The following LUC7L variants were observed in gnomAD, a reference collection of about 807,000 sequenced individuals.
LUC7L encodes the protein LUC7 like.
In LUC7L, 29 loss-of-function variants were observed where a neutral mutation model predicts 51.1. The ratio of observed to expected loss-of-function variants is 0.57; its 90% confidence interval spans 0.42 to 0.77. The LOEUF is 0.77. Among genes scored for constraint, LUC7L ranks in the 30% least tolerant of loss-of-function variants. LUC7L has a pLI of 0.00. For missense variants in LUC7L, 403 were observed against 511.9 expected, an observed-to-expected ratio of 0.79 and a Z score of 2.05; for synonymous variants, 181 against 180.7, an observed-to-expected ratio of 1.00 and a Z score of -0.01.
intron 3 of LUC7L, among the ~76,000 whole-genome samples, chr16:213,881 A>G (rs2049713785): frequency 6.6e-6 from 1 of 151,410 alleles, no homozygotes; most frequent in Non-Finnish European, 1.5e-5. Flanking sequence ...CACCTGGCTA[A>G]TATTTTCTAT....
In LUC7L at chr16:220,455, T is replaced by C. The variant is rs144052915; in HGVS notation, c.255+194A>G. 7.9e-4 allele frequency: 418 copies of C among 527,924 alleles called. 1 individual carries two copies. Among genetic ancestry groups the C allele is most frequent in the African/African-American group, 6.0e-3 (311 of 52,142 alleles). 32.7% of individuals were successfully genotyped at this position (527,924 alleles called of 1,614,324 possible). A position where few individuals can be genotyped will look rare whatever the true frequency, so the allele number is the denominator to read the frequency against. Reference sequence around the variant, plus strand: ...CAAAATGAGATAACACATATTATCATTTAGGACACTGACAGGACGCTGGAC... The same window carrying C: ...CAAAATGAGATAACACATATTATCACTTAGGACACTGACAGGACGCTGGAC... On this transcript the variant is annotated intron_variant, in intron 3 of 9. Transcript: ENST00000293872.
chr16:228,017 G>T, intron 1 of LUC7L: 1 of 1,119,874 alleles, frequency 8.9e-7, no homozygotes, highest in Non-Finnish European at 1.1e-6. Context: ...CTCAGCTGCA[G>T]AATTTTATGC....
intron 2 of LUC7L, among the ~76,000 whole-genome samples, chr16:225,921 C>T (rs117345827): frequency 0.014 from 2,134 of 152,280 alleles, 31 homozygotes; most frequent in Non-Finnish European, 0.021. Flanking sequence ...GAAATCTTCC[C>T]GAGAGTGCAC....
chr16:193,228 A>T (rs1400267755), intron 6 of LUC7L, among the ~76,000 whole-genome samples: 1 of 151,840 alleles, frequency 6.6e-6, no homozygotes, highest in Non-Finnish European at 1.5e-5. Context: ...GGCTCACTGC[A>T]ACTTCCACCT....
At position 205,879 on chromosome 16, in the gene LUC7L, G is replaced by A; in HGVS notation, c.510+125C>T. 2.6e-6 allele frequency: 3 copies of A among 1,160,528 alleles called. No homozygotes were observed. The South Asian group carries it at 4.6e-5, about 18-fold the overall frequency. 71.9% of individuals were successfully genotyped at this position (1,160,528 alleles called of 1,614,324 possible). ...GCTGGGATGACAGGCGTGAGCCACTGTGCTGGGCCCAAAATGTATAAATTT... is the reference window on the plus strand; with the variant it reads ...GCTGGGATGACAGGCGTGAGCCACTATGCTGGGCCCAAAATGTATAAATTT... On this transcript the variant is annotated intron_variant, in intron 5 of 9. Transcript: ENST00000293872.
chr16:206,722 T>A (rs138048746), intron 4 of LUC7L, among the ~76,000 whole-genome samples: 272 of 152,086 alleles, frequency 1.8e-3, no homozygotes, highest in Middle Eastern at 3.4e-3. Context: ...ACCATTTCCT[T>A]ACCAATTCTT....
In LUC7L at chr16:208,101, T is replaced by C. The variant is rs1191887412; in HGVS notation, c.343A>G (p.Ile115Val). The C allele has an allele frequency of 1.2e-6, 2 of 1,613,490 alleles. No individual in the cohort carries two copies. Among genetic ancestry groups the C allele is most frequent in the South Asian group, 1.1e-5 (1 of 90,992 alleles). Residue 115 changes from isoleucine (I) to valine (V), a missense_variant, in exon 4 of 10, where the codon ATC (isoleucine) becomes GTC (valine). Physicochemically the swap from Ile to Val is conservative, Grantham distance 29. Around this residue, in one of 3 missense-constraint regions of LUC7L, gnomAD observed 182 missense variants for 248.4 expected, o/e 0.73. Transcript: ENST00000293872. Reference protein sequence around the residue: ...KKRLAETQEEISAEVSAKAEK... With the variant: ...KKRLAETQEEVSAEVSAKAEK... ...ACCTTTGCAGAAACTTCCGCACTGA[T>C]TTCCTCCTGTGTTTCTGCCAGCCGC...
chr16:220,925 C>T (rs577005330), intron 2 of LUC7L, among the ~76,000 whole-genome samples, 178 bp from the exon 3 acceptor site: 9 of 152,200 alleles, frequency 5.9e-5, no homozygotes, highest in Non-Finnish European at 4.4e-5. Context: ...CTTTTACCAT[C>T]GTGACTACGT....
At chr16:226,490 A>C (rs977977987) in intron 2 of LUC7L, among the ~76,000 whole-genome samples, 1 of 152,220 alleles carries the variant, frequency 6.6e-6, no homozygotes, top group African/African-American at 2.4e-5. Context: ...GTTCATCTGA[A>C]GTGAACTTAA....
At chr16:226,162 G>A (rs7196474) in intron 2 of LUC7L, among the ~76,000 whole-genome samples, 8,269 of 152,244 alleles carry the variant, frequency 0.054, 264 homozygotes, top group Non-Finnish European at 0.068. Flanking sequence ...CATTCATTTC[G>A]CATTTGCTGT....
chr16:212,783 T>C (rs1289248035), intron 3 of LUC7L, among the ~76,000 whole-genome samples: 2 of 145,484 alleles, frequency 1.4e-5, no homozygotes, highest in Non-Finnish European at 3.0e-5. Context: ...GAAATATACC[T>C]TTTTTTTTTT....
At position 218,292 on chromosome 16, in the gene LUC7L, C is replaced by T. The variant is rs138966161; in HGVS notation, c.255+2357G>A. Among the ~76,000 whole-genome samples, 277 of 152,296 alleles carry T rather than the reference C, an allele frequency of 1.8e-3. 2 individuals are homozygous for T. The highest frequency in any genetic ancestry group is 3.0e-3 in the Non-Finnish European group (202 of 68,022). ...TGGGTTTTATATTTTTCACTGGCTC[C>T]CTCATCCCATGCTCAGTGCCTTCCC... On this transcript the variant is annotated intron_variant, in intron 3 of 9. Coordinates refer to ENST00000293872, the MANE Select transcript of LUC7L (RefSeq NM_201412.3).
chr16:214,703 T>C (rs2049738397), intron 3 of LUC7L, among the ~76,000 whole-genome samples: 1 of 152,102 alleles, frequency 6.6e-6, no homozygotes, highest in Admixed American at 6.6e-5. Context: ...ATTTTTTTGG[T>C]ATTTTGTGTA....
At chr16:193,746 G>A (rs1030285295) in intron 6 of LUC7L, among the ~76,000 whole-genome samples, 2 of 151,766 alleles carry the variant, frequency 1.3e-5, no homozygotes, top group East Asian at 3.9e-4. Flanking sequence ...GCCTGCCTCG[G>A]CCTCCCAAAG....
chr16:199,188 C>T lies in LUC7L; in HGVS notation c.561G>A (p.Leu187=), dbSNP rs781180965. ...AGGCTGAACAGACCTCGCAGACACG[C>T]AGCTTTTGCTGCTGAAAACTGGATG... The part of the protein sequence containing the change: ...MPASSFQQQK[L]RVCEVCSAYL... The change falls in exon 6 of 10, where the codon CTG becomes CTA. Residue 187 remains leucine, a synonymous_variant. Transcript: ENST00000293872. 2.5e-6 allele frequency: 4 copies of T among 1,609,546 alleles called. No individual in the cohort carries two copies. The highest frequency in any genetic ancestry group is 1.1e-5 in the South Asian group (1 of 90,890).
chr16:192,882 G>C lies in LUC7L; in HGVS notation c.776+45C>G, dbSNP rs200402563. 800 of 1,497,506 alleles carry C rather than the reference G, an allele frequency of 5.3e-4. 3 individuals carry two copies. Among genetic ancestry groups the C allele is most frequent in the Non-Finnish European group, 2.6e-4 (277 of 1,079,350 alleles). The allele number at this position is 1,497,506 out of a possible 1,614,324, so 92.8% of individuals were successfully genotyped here. On this transcript the variant is annotated intron_variant, in intron 7 of 9. Transcript: ENST00000293872. ...CAGTGGAATGGACCGAGCAGGGAATGCCCGAGGCCAATGCAGGCCATCCAG... is the reference window on the plus strand; with the variant it reads ...CAGTGGAATGGACCGAGCAGGGAATCCCCGAGGCCAATGCAGGCCATCCAG...
At position 197,205 on chromosome 16, in the gene LUC7L, GC is replaced by G. The variant is rs1227318060; in HGVS notation, c.687+1856del. Among the ~76,000 whole-genome samples the G allele has an allele frequency of 4.0e-5, 5 of 125,758 alleles. No individual in the cohort carries two copies. The East Asian group carries it at 7.2e-4, about 18-fold the overall frequency. 82.5% of individuals were successfully genotyped at this position (125,758 alleles called of 152,430 possible). A position where few individuals can be genotyped will look rare whatever the true frequency, so the allele number is the denominator to read the frequency against. ...ACAGGAGGCTGAGCCTCTGCACCCA[GC>G]CTTTTTTTTTTTTTTTTTTTTTTTT... On this transcript the variant is annotated intron_variant, in intron 6 of 9. Transcript: ENST00000293872.
chr16:205,746 T>G (rs2049466314), intron 5 of LUC7L, among the ~76,000 whole-genome samples: 1 of 152,270 alleles, frequency 6.6e-6, no homozygotes, highest in African/African-American at 2.4e-5. Flanking sequence ...CCTGGCGCCA[T>G]GCCCGGCTAA....
chr16:198,266 G>A (rs1328319858), intron 6 of LUC7L, among the ~76,000 whole-genome samples: 17 of 117,800 alleles, frequency 1.4e-4, no homozygotes, highest in East Asian at 1.0e-3. Flanking sequence ...GCGACAGAGC[G>A]AGACTCCATC....
Sources: gnomAD v4.1 joint callset for allele counts (sites outside exome capture counted in the v4.1 genomes callset) on GRCh38, gnomAD v4.1.1 for gene constraint, gnomAD v4.1.1 regional missense constraint, MANE v1.5 for transcripts, NCBI Gene and HGNC (gene_info 2026-07-23, HGNC 2026-07-21) for gene names.